The following FAF1 variants were observed in gnomAD, a reference collection of about 807,000 sequenced individuals.
The protein encoded by FAF1 is Fas associated factor 1.
Under a neutral mutation model 92.5 loss-of-function variants are expected in FAF1, and 25 were observed. That is an observed-to-expected ratio of 0.27 (90% CI 0.20 to 0.38). The LOEUF (loss-of-function observed/expected upper bound fraction) is 0.38. Ranked by LOEUF, FAF1 falls within the 10% of genes least tolerant of loss-of-function variation. The pLI, the probability that FAF1 is intolerant of heterozygous loss-of-function variation, is 1.00. For synonymous variants in FAF1, 234 were observed against 273.2 expected (o/e 0.86, Z 1.42); for missense variants, 636 against 793.3 (o/e 0.80, Z 2.38).
chr1:50,748,691 T>A (rs1363228285), intron 4 of FAF1, among the ~76,000 whole-genome samples: 1 of 152,226 alleles, frequency 6.6e-6, no homozygotes, highest in Non-Finnish European at 1.5e-5. Flanking sequence ...TGAATCAGAA[T>A]GTACTTATCT....
At chr1:50,875,889 C>T (rs191087146) in intron 1 of FAF1, among the ~76,000 whole-genome samples, 2 of 152,286 alleles carry the variant, frequency 1.3e-5, no homozygotes, top group African/African-American at 4.8e-5. Context: ...TAAAACCAGT[C>T]ATTCAAATCC....
At chr1:50,493,833 T>C (rs926376759) in intron 15 of FAF1, among the ~76,000 whole-genome samples, 16 of 152,248 alleles carry the variant, frequency 1.1e-4, no homozygotes, top group Admixed American at 9.2e-4. Flanking sequence ...ATTGACTGGC[T>C]GGGCAGGAAT....
At chr1:50,775,113 T>C (rs1660908588) in intron 4 of FAF1, among the ~76,000 whole-genome samples, 1 of 152,128 alleles carries the variant, frequency 6.6e-6, no homozygotes, top group Non-Finnish European at 1.5e-5. Context: ...AAAAATATTA[T>C]TTATATAATT....
At chr1:50,625,026 C>T (rs768820671) in intron 8 of FAF1, among the ~76,000 whole-genome samples, 23 of 151,742 alleles carry the variant, frequency 1.5e-4, no homozygotes, top group Non-Finnish European at 3.2e-4. Context: ...CTCAGCCTCC[C>T]GAGTAGCTGG....
chr1:50,855,860 G>C (rs1055134937), intron 2 of FAF1, among the ~76,000 whole-genome samples: 4 of 151,876 alleles, frequency 2.6e-5, no homozygotes, highest in South Asian at 2.1e-4. Context: ...TTTTGCTTGG[G>C]CCTGATACAG....
intron 14 of FAF1, 148 bp downstream of exon 14, chr1:50,539,444 C>G (rs1235065703): frequency 1.9e-6 from 1 of 530,758 alleles, no homozygotes; most frequent in South Asian, 3.4e-5. Context: ...TTTATAGCAC[C>G]TATATTTTTT....
intron 1 of FAF1, among the ~76,000 whole-genome samples, chr1:50,867,969 T>C (rs1387251086): frequency 1.3e-5 from 2 of 152,136 alleles, no homozygotes; most frequent in Non-Finnish European, 1.5e-5. Context: ...AAGTGTGGTA[T>C]ATATATCCCA....
intron 8 of FAF1, among the ~76,000 whole-genome samples, chr1:50,643,532 T>C (rs913969265): frequency 6.6e-6 from 1 of 152,202 alleles, no homozygotes; most frequent in Non-Finnish European, 1.5e-5. Context: ...CCAGTAAAAT[T>C]TGTACTTCAG....
rs886315858 is a variant in FAF1, at chr1:50,729,293, G to A, written c.551+9570C>T. 3.3e-5 allele frequency among the ~76,000 whole-genome samples: 5 copies of A among 151,558 alleles called. No individual in the cohort carries two copies. In the South Asian group the frequency reaches 6.3e-4, roughly 19 times the overall value. On this transcript the variant is annotated intron_variant, in intron 6 of 18. Transcript: ENST00000396153. Reference sequence around the variant, plus strand: ...TGGTCTCAAACTCCCGACCTCAGGTGATCCACCTGCCTCGGCCTCCCAAAG... The same window carrying A: ...TGGTCTCAAACTCCCGACCTCAGGTAATCCACCTGCCTCGGCCTCCCAAAG...
At chr1:50,820,838 T>G (rs1233827027) in intron 2 of FAF1, among the ~76,000 whole-genome samples, 1 of 151,398 alleles carries the variant, frequency 6.6e-6, no homozygotes, top group Non-Finnish European at 1.5e-5. Flanking sequence ...TTTTAATGGC[T>G]GAATAATAAT....
At chr1:50,556,724 C>A (rs916307426) in intron 13 of FAF1, among the ~76,000 whole-genome samples, 8 of 152,010 alleles carry the variant, frequency 5.3e-5, no homozygotes, top group African/African-American at 1.9e-4. Context: ...GTAGTCCCAG[C>A]TACTTGGGAG....
At chr1:50,453,949 T>A (rs1274457951) in intron 18 of FAF1, among the ~76,000 whole-genome samples, 1 of 152,186 alleles carries the variant, frequency 6.6e-6, no homozygotes, top group Non-Finnish European at 1.5e-5. Flanking sequence ...ACTGCTCTGA[T>A]TACCTGTGTG....
At chr1:50,864,665 C>T (rs1644465216) in intron 1 of FAF1, among the ~76,000 whole-genome samples, 1 of 151,724 alleles carries the variant, frequency 6.6e-6, no homozygotes, top group Admixed American at 6.6e-5. Context: ...GGATCCCTTC[C>T]TTACACCTTA....
intron 2 of FAF1, among the ~76,000 whole-genome samples, chr1:50,832,818 A>C (rs1570022650): frequency 6.6e-6 from 1 of 152,146 alleles, no homozygotes; most frequent in South Asian, 2.1e-4. Context: ...CTATGTCTCT[A>C]GTTATAAAGT....
intron 17 of FAF1, among the ~76,000 whole-genome samples, chr1:50,476,340 G>C (rs143368457): frequency 6.6e-6 from 1 of 152,322 alleles, no homozygotes; most frequent in Non-Finnish European, 1.5e-5. Flanking sequence ...GGCAGAAGGA[G>C]ACCACAGTCC....
intron 18 of FAF1, among the ~76,000 whole-genome samples, chr1:50,473,282 C>T (rs1322287698): frequency 1.3e-5 from 2 of 152,158 alleles, no homozygotes; most frequent in Non-Finnish European, 2.9e-5. Flanking sequence ...AAGATATTTT[C>T]ACCCCATCCC....
chr1:50,562,715 T>C (rs1197453824), intron 13 of FAF1, among the ~76,000 whole-genome samples: 1 of 152,226 alleles, frequency 6.6e-6, no homozygotes, highest in Non-Finnish European at 1.5e-5. Flanking sequence ...CTAGACTATA[T>C]GTGTTTTGAG....
At chr1:50,807,613 G>A (rs1662259223) in intron 2 of FAF1, among the ~76,000 whole-genome samples, 1 of 152,076 alleles carries the variant, frequency 6.6e-6, no homozygotes, top group Admixed American at 6.5e-5. Flanking sequence ...GGACACAGAG[G>A]CAAACAATAT....
intron 4 of FAF1, among the ~76,000 whole-genome samples, chr1:50,786,231 T>A (rs1409441177): frequency 1.3e-5 from 2 of 151,912 alleles, no homozygotes; most frequent in Non-Finnish European, 2.9e-5. Context: ...TGTTAATGAC[T>A]AAAAAAAATG....
Sources: allele counts gnomAD v4.1 joint callset (sites outside exome capture counted in the v4.1 genomes callset), GRCh38; gene constraint gnomAD v4.1.1; transcripts MANE v1.5; gene names NCBI Gene and HGNC (gene_info 2026-07-23, HGNC 2026-07-21).